Variants in ZMYM1 observed in about 807,000 individuals in gnomAD.
The protein encoded by ZMYM1 is zinc finger MYM-type containing 1, also known as zinc finger MYM-type protein 1.
Under a neutral mutation model 60.0 loss-of-function variants are expected in ZMYM1, and 39 were observed. That is an observed-to-expected ratio of 0.65 (90% CI 0.50 to 0.85). ZMYM1 has a LOEUF of 0.85. ZMYM1 is among the 40% of genes least tolerant of loss of function. The probability of loss-of-function intolerance (pLI) is 0.00; values close to 1 mark genes in which losing one functional copy is unlikely to be tolerated. For synonymous variants in ZMYM1, 413 were observed against 454.0 expected, an observed-to-expected ratio of 0.91 and a Z score of 1.15; for missense variants, 1,171 against 1,309.5, an observed-to-expected ratio of 0.89 and a Z score of 1.63.
At chr1:35,108,309 A>G (rs537664486) in intron 6 of ZMYM1, among the ~76,000 whole-genome samples, 27 of 152,100 alleles carry the variant, frequency 1.8e-4, no homozygotes, top group African/African-American at 6.3e-4. Flanking sequence ...AATAAAACGT[A>G]TATGTATTTT....
intron 6 of ZMYM1, among the ~76,000 whole-genome samples, chr1:35,108,275 C>G (rs1446853983): frequency 1.3e-5 from 2 of 152,104 alleles, no homozygotes; most frequent in African/African-American, 4.8e-5. Flanking sequence ...GTGCCTTTGC[C>G]AATATCCTGT....
intron 6 of ZMYM1, among the ~76,000 whole-genome samples, chr1:35,109,404 C>T: frequency 6.6e-6 from 1 of 152,162 alleles, no homozygotes; most frequent in East Asian, 1.9e-4. Flanking sequence ...ATAATCTTTA[C>T]AGTAATGCCT....
intron 7 of ZMYM1, 125 bp downstream of exon 7, chr1:35,110,572 C>T: frequency 1.2e-6 from 1 of 836,694 alleles, no homozygotes; most frequent in Non-Finnish European, 1.6e-6. Context: ...ACAATCTAAA[C>T]TTGTTGCAAA....
At chr1:35,103,422 T>G (rs1569989710) in intron 4 of ZMYM1, among the ~76,000 whole-genome samples, 1 of 152,208 alleles carries the variant, frequency 6.6e-6, no homozygotes, top group Admixed American at 6.5e-5. Flanking sequence ...TTGTGTCTGG[T>G]TCTTTCCCTT....
chr1:35,078,536 AATTTTTTT>A (rs1642215813), upstream of ZMYM1, among the ~76,000 whole-genome samples: 2 of 112,616 alleles, frequency 1.8e-5, no homozygotes, highest in Admixed American at 8.8e-5. Flanking sequence ...GGGTTATTTT[AATTTTTTT>A]TTTTTTTTTT....
At chr1:35,103,192 A>G (rs1325830448) in intron 4 of ZMYM1, among the ~76,000 whole-genome samples, 1 of 152,126 alleles carries the variant, frequency 6.6e-6, no homozygotes, top group Non-Finnish European at 1.5e-5. Flanking sequence ...CATCCCCTCT[A>G]TCTTGTTCCA....
At chr1:35,064,037 A>T (rs1240746607) in intron 1 of ZMYM1, among the ~76,000 whole-genome samples, 4 of 152,080 alleles carry the variant, frequency 2.6e-5, no homozygotes, top group African/African-American at 9.7e-5. Flanking sequence ...TAAAAAAAGA[A>T]AGTTTCAGCC....
intron 1 of ZMYM1, among the ~76,000 whole-genome samples, chr1:35,068,902 T>C (rs1642023157): frequency 6.6e-6 from 1 of 152,162 alleles, no homozygotes; most frequent in Non-Finnish European, 1.5e-5. Flanking sequence ...AATGGCGTGA[T>C]GTTGGCTCAC....
chr1:35,062,681 T>C (rs770151751), intron 1 of ZMYM1, among the ~76,000 whole-genome samples: 2 of 152,316 alleles, frequency 1.3e-5, no homozygotes, highest in East Asian at 1.9e-4. Flanking sequence ...TTATTGGTTA[T>C]AGCAACAGAA....
chr1:35,068,875 C>T lies in ZMYM1; in HGVS notation c.-301+8950C>T, dbSNP rs537770131. Among the ~76,000 whole-genome samples the T allele has an allele frequency of 3.3e-5, 5 of 152,138 alleles. No individual in the cohort carries two copies. In the South Asian group the frequency reaches 1.0e-3, roughly 32 times the overall value. On this transcript the variant is annotated intron_variant, in intron 1 of 10. Coordinates refer to the ZMYM1 transcript ENST00000417119. ...TTTTTGAGATGGAGTCTTGCTCTGT[C>T]ACCCATGCTGGAGGGCAATGGCGTG...
chr1:35,091,999 G>A (rs1007777175), intron 1 of ZMYM1, among the ~76,000 whole-genome samples: 5 of 150,126 alleles, frequency 3.3e-5, no homozygotes, highest in Admixed American at 2.7e-4. Context: ...AATCTTGGCT[G>A]ACTGCAACCT....
chr1:35,073,650 A>G (rs1642114041), intron 1 of ZMYM1, among the ~76,000 whole-genome samples: 1 of 151,626 alleles, frequency 6.6e-6, no homozygotes, highest in Non-Finnish European at 1.5e-5. Flanking sequence ...AAAGAAAAGA[A>G]AAAAAGGAAA....
chr1:35,101,058 C>T (rs1208992244), intron 4 of ZMYM1, among the ~76,000 whole-genome samples: 3 of 151,730 alleles, frequency 2.0e-5, no homozygotes, highest in African/African-American at 7.3e-5. Context: ...CTGGCTTGCC[C>T]TCCCAAAGTG....
chr1:35,117,247 GCTTT>G (rs1644258983), downstream of ZMYM1, among the ~76,000 whole-genome samples: 1 of 151,818 alleles, frequency 6.6e-6, no homozygotes, highest in Non-Finnish European at 1.5e-5. Flanking sequence ...TTTCATTGAG[GCTTT>G]CTTTCAAATG....
Position 35,113,791 on chromosome 1 carries a change from C to A in ZMYM1, c.1961C>A (p.Ala654Asp). The change falls in exon 10 of 10, where the codon GCC becomes GAC. Residue 654 changes from alanine to aspartate, a missense_variant. Ala to Asp is a moderately radical substitution (Grantham distance 126). Coordinates refer to ENST00000359858, the MANE Select transcript of ZMYM1 (RefSeq NM_024772.5). The stretch of plus-strand genomic sequence containing the variant: ...ATATGTGATGAGACAATCAATAGTG[C>A]CATGAAAGAACAGCTTTCAATTTGT... ...SIICDETINSAMKEQLSICVR... is the reference protein window; with the variant it reads ...SIICDETINSDMKEQLSICVR... 1 of 1,613,846 alleles carries A rather than the reference C, an allele frequency of 6.2e-7. No homozygotes were observed. Among genetic ancestry groups the A allele is most frequent in the Non-Finnish European group, 8.5e-7 (1 of 1,179,864 alleles).
At chr1:35,076,015 A>G (rs1642160290), upstream of ZMYM1, among the ~76,000 whole-genome samples, 1 of 152,154 alleles carries the variant, frequency 6.6e-6, no homozygotes, top group South Asian at 2.1e-4. Flanking sequence ...CAAGGGCACA[A>G]TTCAAACCCC....
At chr1:35,104,508 T>A in intron 5 of ZMYM1, 39 bp downstream of exon 5, 1 of 1,611,506 alleles carries the variant, frequency 6.2e-7, no homozygotes, top group African/African-American at 1.3e-5. Flanking sequence ...ATTCTGATGA[T>A]TCTGCTTAAA....
At chr1:35,069,621 G>A (rs1304372250) in intron 1 of ZMYM1, among the ~76,000 whole-genome samples, 2 of 152,020 alleles carry the variant, frequency 1.3e-5, no homozygotes, top group Admixed American at 6.6e-5. Context: ...TGTTTTTGTT[G>A]CCTGTGCTTT....
At chr1:35,087,230 A>G (rs61777991) in intron 1 of ZMYM1, among the ~76,000 whole-genome samples, 103 of 148,124 alleles carry the variant, frequency 7.0e-4, no homozygotes, top group African/African-American at 2.2e-3. Context: ...GACTTCAGGT[A>G]ATCTGCCTGC....
Sources: allele counts gnomAD v4.1 joint callset (sites outside exome capture counted in the v4.1 genomes callset), GRCh38; gene constraint gnomAD v4.1.1; transcripts MANE v1.5; gene names NCBI Gene and HGNC (gene_info 2026-07-23, HGNC 2026-07-21).